The following TRMT11 variants were observed in gnomAD, a reference collection of about 807,000 sequenced individuals.
TRMT11 encodes tRNA methyltransferase 11.
Under a neutral mutation model 62.8 loss-of-function variants are expected in TRMT11, and 53 were observed. The observed-to-expected ratio is 0.84, with a 90% CI of 0.68 to 1.06. The LOEUF (loss-of-function observed/expected upper bound fraction) is 1.06. TRMT11 is among the 50% of genes least tolerant of loss of function. The pLI is 0.00. For missense variants in TRMT11, 556 were observed against 553.4 expected (o/e 1.00, Z -0.05); for synonymous variants, 188 against 190.3 (o/e 0.99, Z 0.10).
the TRMT11 span, among the ~76,000 whole-genome samples, chr6:126,223,774 C>T: frequency 6.6e-6 from 1 of 152,100 alleles, no homozygotes; most frequent in South Asian, 2.1e-4. Flanking sequence ...CTTGCTCTGT[C>T]TTTCTATCAG....
At chr6:126,180,947 C>T (rs1224477863) in intron 1 of TRMT11, among the ~76,000 whole-genome samples, 5 of 152,158 alleles carry the variant, frequency 3.3e-5, no homozygotes, top group Non-Finnish European at 7.4e-5. Flanking sequence ...AATTTTAAAA[C>T]AAATTATATT....
intron 21 of TRMT11, among the ~76,000 whole-genome samples, chr6:126,152,025 CTTTCTCTG>C (rs1778064590): frequency 7.9e-6 from 1 of 126,518 alleles, no homozygotes; most frequent in Admixed American, 8.6e-5. Context: ...CTTTTTCTCT[CTTTCTCTG>C]TTTCTCTCTC....
At chr6:126,088,432 C>T (rs1165431873) in intron 17 of TRMT11, among the ~76,000 whole-genome samples, 1 of 152,138 alleles carries the variant, frequency 6.6e-6, no homozygotes, top group African/African-American at 2.4e-5. Context: ...GACCAATCTA[C>T]CAGCAGGTGT....
chr6:126,038,713 C>G lies in TRMT11; in HGVS notation c.1269C>G (p.Asp423Glu), dbSNP rs887172785. ...MEKVKKFENRDQYSHLLSDHF... is the reference protein window; with the variant it reads ...MEKVKKFENREQYSHLLSDHF... Reference sequence around the variant, plus strand: ...ATTTTCCAACCAAACAGAATCGGGACCAGTATTCACATCTGCTAAGTGATC... The same window carrying G: ...ATTTTCCAACCAAACAGAATCGGGAGCAGTATTCACATCTGCTAAGTGATC... Residue 423 changes from aspartate to glutamate, a missense_variant, in exon 13 of 13, where the codon GAC becomes GAG. By Grantham distance (45) the Asp-to-Glu change is conservative. Transcript: ENST00000334379. The G allele has an allele frequency of 1.3e-6, 2 of 1,559,436 alleles. No homozygotes were observed. The highest frequency in any genetic ancestry group is 4.1e-5 in the Admixed American group (2 of 48,774).
At chr6:126,141,923 C>T (rs1456231356) in intron 21 of TRMT11, among the ~76,000 whole-genome samples, 1 of 152,002 alleles carries the variant, frequency 6.6e-6, no homozygotes, top group African/African-American at 2.4e-5. Context: ...TAAAGTATTT[C>T]CTTCTCTACC....
At chr6:126,029,489 C>T (rs907985670) in intron 12 of TRMT11, among the ~76,000 whole-genome samples, 1 of 152,110 alleles carries the variant, frequency 6.6e-6, no homozygotes, top group African/African-American at 2.4e-5. Context: ...GAATTCATCC[C>T]TAAGCAATAT....
At chr6:126,008,263 A>G (rs1793657799) in intron 7 of TRMT11, 129 bp from the exon 8 acceptor site, 3 of 800,712 alleles carry the variant, frequency 3.7e-6, no homozygotes, top group African/African-American at 1.7e-5. Context: ...CTTACTAAAT[A>G]TGTTACGACC....
intron 21 of TRMT11, among the ~76,000 whole-genome samples, chr6:126,157,668 C>G (rs1320469737): frequency 6.6e-6 from 1 of 152,182 alleles, no homozygotes; most frequent in African/African-American, 2.4e-5. Context: ...AGTACATCAG[C>G]ATCATCTGTA....
At chr6:126,235,391 G>C in the TRMT11 span, among the ~76,000 whole-genome samples, 1 of 152,060 alleles carries the variant, frequency 6.6e-6, no homozygotes, top group Non-Finnish European at 1.5e-5. Context: ...CTATTACAAA[G>C]GTACATGTAC....
At position 126,184,573 on chromosome 6, in the gene TRMT11, A is replaced by G. The variant is rs78113891; in HGVS notation, n.143+7238A>G. Among the ~76,000 whole-genome samples the G allele has an allele frequency of 6.4e-3, 973 of 152,308 alleles. 22 individuals carry two copies. The East Asian group carries it at 0.081, about 13-fold the overall frequency. On this transcript the variant is annotated intron_variant and non_coding_transcript_variant, in intron 1 of 3. Coordinates refer to the TRMT11 transcript ENST00000444229. The stretch of plus-strand genomic sequence containing the variant: ...TATGGTGAAGCTGGGATGCAGACTG[A>G]GGCTGCCTGTTTCCCTTGATGGCAA...
chr6:126,023,616 C>T (rs763193500), intron 12 of TRMT11, among the ~76,000 whole-genome samples: 1 of 152,108 alleles, frequency 6.6e-6, no homozygotes, highest in Non-Finnish European at 1.5e-5. Flanking sequence ...TCACTGCACT[C>T]CAGCCTGGTG....
rs1775726981 is a variant in TRMT11, at chr6:126,038,969, T to C, written c.*133T>C. ...TTATATAGAAAAGCTACAAAGTAAA[T>C]TGAGCAATGCTTTTAAAGTTATCTT... On this transcript the variant is annotated 3_prime_UTR_variant, in exon 13 of 13. Coordinates refer to ENST00000334379, the MANE Select transcript of TRMT11 (RefSeq NM_001031712.3). 2 of 721,468 alleles carry C rather than the reference T, an allele frequency of 2.8e-6. No individual in the cohort carries two copies. Among genetic ancestry groups the C allele is most frequent in the Non-Finnish European group, 4.3e-6 (2 of 467,678 alleles). 44.7% of individuals were successfully genotyped at this position (721,468 alleles called of 1,614,324 possible).
chr6:126,123,935 A>G (rs1400556796), intron 21 of TRMT11, among the ~76,000 whole-genome samples: 1 of 151,906 alleles, frequency 6.6e-6, no homozygotes, highest in Non-Finnish European at 1.5e-5. Flanking sequence ...TTGATTGAAT[A>G]TCTGGGTTTT....
At chr6:126,031,816 G>T (rs138651115) in intron 12 of TRMT11, among the ~76,000 whole-genome samples, 2 of 152,292 alleles carry the variant, frequency 1.3e-5, no homozygotes, top group African/African-American at 4.8e-5. Flanking sequence ...TCTGTGTTCT[G>T]TGAAGGTCCT....
chr6:126,214,023 T>C, the TRMT11 span, among the ~76,000 whole-genome samples: 1 of 152,070 alleles, frequency 6.6e-6, no homozygotes, highest in Non-Finnish European at 1.5e-5. Flanking sequence ...CTTCATTCTG[T>C]TGATATGATG....
Position 126,013,120 on chromosome 6 carries a change from A to G in TRMT11, c.1139+19A>G. 1.3e-6 allele frequency: 2 copies of G among 1,581,850 alleles called. No homozygotes were observed. The highest frequency in any genetic ancestry group is 1.7e-6 in the Non-Finnish European group (2 of 1,167,510). ...CGCCAGAGTATGTAATCTTAATTTT[A>G]TTTTTAATTTCATTTTTCTTACAAT... On this transcript the variant is annotated intron_variant, in intron 11 of 12. Transcript: ENST00000334379.
the TRMT11 span, among the ~76,000 whole-genome samples, chr6:126,268,983 C>T: frequency 2.6e-4 from 40 of 151,844 alleles, no homozygotes; most frequent in African/African-American, 9.7e-4. Flanking sequence ...CTGGGTTGGC[C>T]GGGCGCGGTG....
chr6:126,042,190 T>C (rs980669693), downstream of TRMT11, among the ~76,000 whole-genome samples: 6 of 152,162 alleles, frequency 3.9e-5, no homozygotes, highest in East Asian at 1.9e-4. Flanking sequence ...TATCTGGTCA[T>C]AGAATCATAG....
At chr6:126,040,999 T>G (rs1775861223), downstream of TRMT11, among the ~76,000 whole-genome samples, 1 of 152,106 alleles carries the variant, frequency 6.6e-6, no homozygotes, top group Non-Finnish European at 1.5e-5. Context: ...TGGGCCAGCT[T>G]GCCACTGATT....
Sources: allele counts gnomAD v4.1 joint callset (sites outside exome capture counted in the v4.1 genomes callset), GRCh38; gene constraint gnomAD v4.1.1; transcripts MANE v1.5; gene names NCBI Gene and HGNC (gene_info 2026-07-23, HGNC 2026-07-21).